Variants in SPTBN4 observed in about 807,000 individuals in gnomAD.
SPTBN4 encodes the protein spectrin beta, non-erythrocytic 4, also known as spectrin beta chain, non-erythrocytic 4.
A neutral mutation model predicts 277.8 loss-of-function variants in SPTBN4; 96 were observed. The ratio of observed to expected loss-of-function variants is 0.35; its 90% CI spans 0.29 to 0.41. The LOEUF (loss-of-function observed/expected upper bound fraction) is 0.41, where lower values mean the gene tolerates loss of function less well. Ranked by LOEUF, SPTBN4 falls within the 10% of genes least tolerant of loss-of-function variation. SPTBN4 has a pLI of 1.00. For missense variants in SPTBN4, 3,006 were observed against 3,595.7 expected, an observed-to-expected ratio of 0.84 and a Z score of 4.19; for synonymous variants, 1,481 against 1,580.3, an observed-to-expected ratio of 0.94 and a Z score of 1.49.
Position 40,534,215 on chromosome 19 carries a change from A to G in SPTBN4, c.4231A>G (p.Lys1411Glu). 1 of 1,614,024 alleles carries G rather than the reference A, an allele frequency of 6.2e-7. No individual in the cohort carries two copies. Among genetic ancestry groups the G allele is most frequent in the Non-Finnish European group, 8.5e-7 (1 of 1,179,922 alleles). ...GGCACGGCAGCTCTTTGAGGCCAGC[A>G]AAGCAGACCAGCTGGTGCAGAGCTT... Reference protein sequence around the residue: ...AKARQLFEASKADQLVQSFAE... With the variant: ...AKARQLFEASEADQLVQSFAE... The change falls in exon 20 of 36, where the codon AAA becomes GAA. Residue 1411 changes from lysine (K) to glutamate (E), a missense_variant. Transcript: ENST00000598249.
chr19:40,537,261 T>C (rs893325725), intron 20 of SPTBN4, among the ~76,000 whole-genome samples: 5 of 152,126 alleles, frequency 3.3e-5, no homozygotes, highest in African/African-American at 1.2e-4. Context: ...CGGCCTGCCT[T>C]GGCCTCCCAA....
At position 40,560,770 on chromosome 19, in the gene SPTBN4, T is replaced by C; in HGVS notation, c.5915+367T>C. ...CAATTCCAGCATCTCAGTGGCTTCATTAGTGGGCATGGGCTTATTGCTCAC... is the reference window on the plus strand; with the variant it reads ...CAATTCCAGCATCTCAGTGGCTTCACTAGTGGGCATGGGCTTATTGCTCAC... On this transcript the variant is annotated intron_variant, in intron 27 of 35. Coordinates refer to ENST00000598249, the MANE Select transcript of SPTBN4 (RefSeq NM_020971.3). This position sits in a 1 kb window ranked among gnomAD's most constrained non-coding sequence, Gnocchi z 5.2. The C allele has an allele frequency of 7.8e-7, 1 of 1,276,322 alleles. No homozygotes were observed. Among genetic ancestry groups the C allele is most frequent in the South Asian group, 1.9e-5 (1 of 53,686 alleles). 79.1% of individuals were successfully genotyped at this position (1,276,322 alleles called of 1,614,324 possible).
intron 6 of SPTBN4, among the ~76,000 whole-genome samples, chr19:40,495,961 A>G (rs2080192454): frequency 6.6e-6 from 1 of 152,110 alleles, no homozygotes; most frequent in Admixed American, 6.5e-5. Context: ...TCGTACACAC[A>G]TGGGGAGACC....
At chr19:40,503,255 A>T (rs897228579) in intron 11 of SPTBN4, among the ~76,000 whole-genome samples, 1 of 151,988 alleles carries the variant, frequency 6.6e-6, no homozygotes, top group African/African-American at 2.4e-5. Context: ...ACTCAGAAGG[A>T]TAGAATTGGT....
chr19:40,564,670 T>C (rs1261425509), intron 27 of SPTBN4, among the ~76,000 whole-genome samples: 1 of 151,858 alleles, frequency 6.6e-6, no homozygotes, highest in Non-Finnish European at 1.5e-5. Flanking sequence ...AGACCCTGTC[T>C]CTACAGAAAA....
At chr19:40,544,199 A>G (rs1279949180) in intron 20 of SPTBN4, among the ~76,000 whole-genome samples, 2 of 149,648 alleles carry the variant, frequency 1.3e-5, no homozygotes, top group Non-Finnish European at 3.0e-5. Context: ...CCGGAGCGCA[A>G]TGGCGCGATC....
Position 40,497,684 on chromosome 19 carries a change from C to T in SPTBN4, c.784+80C>T, listed in dbSNP as rs949425089. On this transcript the variant is annotated intron_variant, in intron 7 of 35. Coordinates refer to ENST00000598249, the MANE Select transcript of SPTBN4 (RefSeq NM_020971.3). ...ATGCCATGTCACACTCAACTCCATCCCACCCCAGCACCATCCCAAATCCTG... is the reference window on the plus strand; with the variant it reads ...ATGCCATGTCACACTCAACTCCATCTCACCCCAGCACCATCCCAAATCCTG... The T allele has an allele frequency of 1.0e-5, 12 of 1,167,612 alleles. No individual in the cohort carries two copies. In the African/African-American group the frequency reaches 1.7e-4, roughly 16 times the overall value. The allele number at this position is 1,167,612 out of a possible 1,614,324, so 72.3% of individuals were successfully genotyped here.
At chr19:40,482,406 T>A (rs556104643) in intron 2 of SPTBN4, among the ~76,000 whole-genome samples, 1 of 152,104 alleles carries the variant, frequency 6.6e-6, no homozygotes, top group East Asian at 1.9e-4. Context: ...CTTGTTAGCA[T>A]GGAGCAAGAG....
At chr19:40,509,202 G>A (rs919266606) in intron 13 of SPTBN4, among the ~76,000 whole-genome samples, 1 of 150,234 alleles carries the variant, frequency 6.7e-6, no homozygotes, top group African/African-American at 2.5e-5. Context: ...GATTACAGAC[G>A]TGAGCCATTG....
intron 17 of SPTBN4, among the ~76,000 whole-genome samples, chr19:40,526,389 C>G (rs1351956409): frequency 6.6e-6 from 1 of 151,946 alleles, no homozygotes; most frequent in Non-Finnish European, 1.5e-5. Context: ...CCAGGCTGGT[C>G]TCAAACTCCT....
intron 35 of SPTBN4, among the ~76,000 whole-genome samples, chr19:40,574,218 G>A (rs546914738): frequency 1.3e-5 from 2 of 152,198 alleles, no homozygotes; most frequent in Non-Finnish European, 2.9e-5. Context: ...GTGGGAGAGC[G>A]CATGGCTGGG....
At chr19:40,564,572 C>T (rs2081073806) in intron 27 of SPTBN4, among the ~76,000 whole-genome samples, 1 of 151,988 alleles carries the variant, frequency 6.6e-6, no homozygotes, top group African/African-American at 2.4e-5. Flanking sequence ...GGTGTGGTGG[C>T]TTATGCCCAT....
At position 40,495,102 on chromosome 19, in the gene SPTBN4, A is replaced by G. The variant is rs1290437865; in HGVS notation, c.668+125A>G. The G allele has an allele frequency of 7.5e-6, 6 of 800,034 alleles. No homozygotes were observed. The African/African-American group carries it at 1.0e-4, about 14-fold the overall frequency. 49.6% of individuals were successfully genotyped at this position (800,034 alleles called of 1,614,324 possible). A position where few individuals can be genotyped will look rare whatever the true frequency, so the allele number is the denominator to read the frequency against. Reference sequence around the variant, plus strand: ...CATAAAGACCCATCCCTTCACCTCTACACACACATACAGTTTTCTTTCCCT... The same window carrying G: ...CATAAAGACCCATCCCTTCACCTCTGCACACACATACAGTTTTCTTTCCCT... On this transcript the variant is annotated intron_variant, in intron 6 of 35. Transcript: ENST00000598249.
At chr19:40,530,241 C>G (rs920495978) in intron 18 of SPTBN4, among the ~76,000 whole-genome samples, 4 of 152,104 alleles carry the variant, frequency 2.6e-5, no homozygotes, top group African/African-American at 9.7e-5. Context: ...AAGCCCCAGG[C>G]GCTCCCTCCC....
rs370654941 is a variant in SPTBN4, at chr19:40,506,343, G to A, written c.1773G>A (p.Val591=). 1.4e-4 allele frequency: 234 copies of A among 1,613,940 alleles called. No homozygotes were observed. The highest frequency in any genetic ancestry group is 1.9e-4 in the Non-Finnish European group (221 of 1,179,954). Residue 591 remains valine (V), a synonymous_variant, in exon 13 of 36, where the codon GTG becomes GTA. Coordinates refer to ENST00000598249, the MANE Select transcript of SPTBN4 (RefSeq NM_020971.3). Reference sequence around the variant, plus strand: ...ACATTGCCGCCCAGAGCGAGCGGGTGGAGGCTCTCAATGCCGCTGCCCTGC... The same window carrying A: ...ACATTGCCGCCCAGAGCGAGCGGGTAGAGGCTCTCAATGCCGCTGCCCTGC... The part of the protein sequence containing the change: ...EGDIAAQSER[V]EALNAAALRF...
chr19:40,575,489 C>T lies in SPTBN4; in HGVS notation c.7615C>T (p.Leu2539=). The T allele has an allele frequency of 6.2e-7, 1 of 1,613,454 alleles. No homozygotes were observed. The highest frequency in any genetic ancestry group is 8.5e-7 in the Non-Finnish European group (1 of 1,179,918). Residue 2539 remains leucine, a synonymous_variant, in exon 36 of 36, where the codon CTA becomes TTA. Coordinates refer to ENST00000598249, the MANE Select transcript of SPTBN4 (RefSeq NM_020971.3). ...AGAGATCGCCCGCTGGGGCCAGACA[C>T]TACCCACTACTTCATCCACAGATGA... ...HAEIARWGQT[L]PTTSSTDEGN...
In SPTBN4 at chr19:40,502,117, T is replaced by G. The variant is rs779922544; in HGVS notation, c.898-11T>G. On this transcript the variant is annotated splice_polypyrimidine_tract_variant and intron_variant, in intron 8 of 35. Transcript: ENST00000598249. The surrounding 1 kb of genome is among the most constrained non-coding windows in gnomAD (Gnocchi z 4.9). ...GGGATGAGGCTGACCCCCCTTCCTC[T>G]GCTGTGTCAGGTCTTGGACCAGGTA... The G allele has an allele frequency of 6.2e-7, 1 of 1,613,380 alleles. No homozygotes were observed.
At chr19:40,529,930 G>A (rs1373122978) in intron 18 of SPTBN4, among the ~76,000 whole-genome samples, 1 of 151,936 alleles carries the variant, frequency 6.6e-6, no homozygotes, top group Admixed American at 6.5e-5. Context: ...AAGACGATTC[G>A]ACCCTCCCCC....
Position 40,547,636 on chromosome 19 carries a change from A to G in SPTBN4, c.4360-1553A>G, listed in dbSNP as rs112035997. Reference sequence around the variant, plus strand: ...TTCCCCAATGGTTGAACCAGTTTACATTCCCACCAACAGTGTAAAAGTGTT... The same window carrying G: ...TTCCCCAATGGTTGAACCAGTTTACGTTCCCACCAACAGTGTAAAAGTGTT... On this transcript the variant is annotated intron_variant, in intron 20 of 35. Coordinates refer to ENST00000598249, the MANE Select transcript of SPTBN4 (RefSeq NM_020971.3). Among the ~76,000 whole-genome samples, 17 of 152,330 alleles carry G rather than the reference A, an allele frequency of 1.1e-4. 1 individual carries two copies. Among genetic ancestry groups the G allele is most frequent in the Middle Eastern group, 3.4e-3 (1 of 294 alleles).
Sources: allele counts gnomAD v4.1 joint callset (sites outside exome capture counted in the v4.1 genomes callset), GRCh38; gene constraint gnomAD v4.1.1; non-coding constraint Gnocchi (gnomAD v3.1); transcripts MANE v1.5; gene names NCBI Gene and HGNC (gene_info 2026-07-23, HGNC 2026-07-21).